Variants in SLC43A2 observed in about 807,000 individuals in gnomAD.
SLC43A2 encodes solute carrier family 43 member 2.
SLC43A2 carries 38 observed loss-of-function variants against 63.2 expected under a neutral mutation model. The ratio of observed to expected loss-of-function variants is 0.60; its 90% CI spans 0.46 to 0.79. The LOEUF (loss-of-function observed/expected upper bound fraction) is 0.79, where lower values mean the gene tolerates loss of function less well. SLC43A2 is among the 30% of genes least tolerant of loss of function. The pLI is 0.00. For missense variants in SLC43A2, 644 were observed against 756.2 expected (o/e 0.85, Z 1.74); for synonymous variants, 322 against 331.0 (o/e 0.97, Z 0.30).
At chr17:1,617,259 C>G (rs1907765848) in intron 2 of SLC43A2, among the ~76,000 whole-genome samples, 1 of 152,230 alleles carries the variant, frequency 6.6e-6, no homozygotes, top group Non-Finnish European at 1.5e-5. Flanking sequence ...TTGGGAAGCA[C>G]AAGCACTGGT....
intron 2 of SLC43A2, among the ~76,000 whole-genome samples, chr17:1,624,626 C>T: frequency 6.6e-6 from 1 of 151,110 alleles, no homozygotes; most frequent in East Asian, 2.0e-4. Context: ...TTTGATGGCT[C>T]ATGCTTGCAG....
Position 1,569,394 on chromosome 17 carries a change from G to C in SLC43A2, c.*6210C>G, listed in dbSNP as rs138979975. 6.6e-6 allele frequency: 1 copy of C among 152,242 alleles called. No homozygotes were observed. 9.4% of individuals were successfully genotyped at this position (152,242 alleles called of 1,614,324 possible). On this transcript the variant is annotated 3_prime_UTR_variant, in exon 14 of 14. Transcript: ENST00000301335. ...GTTGACCCTGGTTAATACAGGGTAC[G>C]GATTAACCCTTCAGGCTCCCTTCCG... is the stretch of plus-strand genomic sequence containing the variant.
intron 5 of SLC43A2, among the ~76,000 whole-genome samples, chr17:1,594,757 T>C (rs1298743260): frequency 1.3e-5 from 2 of 151,596 alleles, no homozygotes; most frequent in Non-Finnish European, 2.9e-5. Flanking sequence ...CCGGCTAATT[T>C]TTTTGTATTT....
chr17:1,624,801 G>A (rs1272950380), intron 2 of SLC43A2, among the ~76,000 whole-genome samples: 1 of 152,100 alleles, frequency 6.6e-6, no homozygotes, highest in Admixed American at 6.6e-5. Flanking sequence ...GGAGGCTGAG[G>A]CGGGAGGATT....
At chr17:1,600,953 TAG>T (rs1472821011) in intron 5 of SLC43A2, among the ~76,000 whole-genome samples, 1 of 151,774 alleles carries the variant, frequency 6.6e-6, no homozygotes, top group Non-Finnish European at 1.5e-5. Context: ...AGATTTTACC[TAG>T]AGATACCGAA....
chr17:1,620,131 G>A (rs1433591704), intron 2 of SLC43A2, among the ~76,000 whole-genome samples: 2 of 152,268 alleles, frequency 1.3e-5, no homozygotes, highest in East Asian at 1.9e-4. Context: ...TTGGGAGGCC[G>A]AGGCAGGCGG....
At chr17:1,591,739 G>GGTGGGGGC in intron 6 of SLC43A2, 40 bp from the exon 7 acceptor site, 3 of 512,306 alleles carry the variant, frequency 5.9e-6, no homozygotes, top group Non-Finnish European at 1.2e-5. Context: ...GGGGGAGGGG[G>GGTGGGGGC]CAGAGTTAGC....
rs749426129 is a variant in SLC43A2 at position 1,590,872 on chromosome 17, C to T, written c.1008G>A (p.Leu336=). The T allele has an allele frequency of 1.1e-5, 17 of 1,554,158 alleles. 1 individual carries two copies. The South Asian group carries it at 1.9e-4, about 17-fold the overall frequency. Residue 336 remains leucine, a synonymous_variant, in exon 9 of 14, where the codon CTG becomes CTA. Transcript: ENST00000301335. ...TAGCCCCCATGTAGAAGATGAGCCGCAGCTGCGTGACGCACATGGTGACCA... is the reference window on the plus strand; with the variant it reads ...TAGCCCCCATGTAGAAGATGAGCCGTAGCTGCGTGACGCACATGGTGACCA... ...LSLVTMCVTQ[L]RLIFYMGAMN... is the part of the protein sequence containing the mutation.
chr17:1,579,971 A>C (rs1405471699), intron 11 of SLC43A2, among the ~76,000 whole-genome samples: 4 of 150,938 alleles, frequency 2.7e-5, no homozygotes, highest in Admixed American at 6.6e-5. Flanking sequence ...CTTGCTGTGT[A>C]GCCCAGGCTG....
intron 4 of SLC43A2, among the ~76,000 whole-genome samples, chr17:1,613,885 G>T (rs898619733): frequency 6.6e-6 from 1 of 152,060 alleles, no homozygotes; most frequent in African/African-American, 2.4e-5. Flanking sequence ...AATTGCTTGA[G>T]CCCAGGGGTT....
At position 1,586,809 on chromosome 17, in the gene SLC43A2, G is replaced by C. The variant is rs1598443263; in HGVS notation, c.1079-758C>G. ...TCCAGGGAAGCAGACGAGGAATGTTGATTGCCCCAGTTTTACCCCCACGGC... is the reference window on the plus strand; with the variant it reads ...TCCAGGGAAGCAGACGAGGAATGTTCATTGCCCCAGTTTTACCCCCACGGC... On this transcript the variant is annotated intron_variant, in intron 9 of 13. Coordinates refer to ENST00000301335, the MANE Select transcript of SLC43A2 (RefSeq NM_152346.3). 5.0e-6 allele frequency: 4 copies of C among 803,940 alleles called. No individual in the cohort carries two copies. The South Asian group carries it at 9.3e-5, about 19-fold the overall frequency. The allele number at this position is 803,940 out of a possible 1,614,324, so 49.8% of individuals were successfully genotyped here. A position where few individuals can be genotyped will look rare whatever the true frequency, so the allele number is the denominator to read the frequency against.
chr17:1,613,453 C>T (rs1907313193), intron 4 of SLC43A2, among the ~76,000 whole-genome samples, 182 bp from the exon 5 acceptor site: 1 of 152,106 alleles, frequency 6.6e-6, no homozygotes, highest in South Asian at 2.1e-4. Context: ...AGGCCTATTT[C>T]TTTTTCTTTT....
chr17:1,621,521 A>T (rs75670368), intron 2 of SLC43A2, among the ~76,000 whole-genome samples: 1,769 of 152,314 alleles, frequency 0.012, 34 homozygotes, highest in African/African-American at 0.04. Flanking sequence ...GTCGGCTCAG[A>T]CACAGAGCAA....
chr17:1,598,452 C>T lies in SLC43A2; in HGVS notation c.502-5173G>A, dbSNP rs549016515. Reference sequence around the variant, plus strand: ...AAAAAAAAGGGAGGCCCAGAGAAGGCTTGGAACCCAACCAGAAGGGCAAAT... The same window carrying T: ...AAAAAAAAGGGAGGCCCAGAGAAGGTTTGGAACCCAACCAGAAGGGCAAAT... On this transcript the variant is annotated intron_variant, in intron 5 of 13. Coordinates refer to ENST00000301335, the MANE Select transcript of SLC43A2 (RefSeq NM_152346.3). 7.0e-4 allele frequency among the ~76,000 whole-genome samples: 106 copies of T among 150,910 alleles called. 1 individual carries two copies. Among genetic ancestry groups the T allele is most frequent in the African/African-American group, 2.5e-3 (103 of 41,116 alleles).
chr17:1,575,325 C>T lies in SLC43A2; in HGVS notation c.*279G>A, dbSNP rs896516365. ...GCCTGCCTGCCGGGCGTTCCTGGCT[C>T]CTGCTGCAGGCACCACAGAGACCCC... On this transcript the variant is annotated 3_prime_UTR_variant, in exon 14 of 14. Transcript: ENST00000301335. 5.8e-6 allele frequency: 3 copies of T among 520,400 alleles called. No homozygotes were observed. The highest frequency in any genetic ancestry group is 1.0e-5 in the Non-Finnish European group (3 of 291,842). 32.2% of individuals were successfully genotyped at this position (520,400 alleles called of 1,614,324 possible).
intron 4 of SLC43A2, among the ~76,000 whole-genome samples, chr17:1,613,801 A>G (rs1226238781): frequency 6.6e-6 from 1 of 152,062 alleles, no homozygotes; most frequent in East Asian, 1.9e-4. Flanking sequence ...TCTTTTCTCC[A>G]ATTAATATTA....
At chr17:1,599,161 A>C (rs1459743228) in intron 5 of SLC43A2, among the ~76,000 whole-genome samples, 1 of 152,038 alleles carries the variant, frequency 6.6e-6, no homozygotes, top group African/African-American at 2.4e-5. Flanking sequence ...CAACATGGTG[A>C]AACCCCATCT....
At position 1,605,028 on chromosome 17, in the gene SLC43A2, C is replaced by A; in HGVS notation, c.501+8167G>T. The A allele has an allele frequency of 2.8e-6, 4 of 1,421,048 alleles. No individual in the cohort carries two copies. Among genetic ancestry groups the A allele is most frequent in the Non-Finnish European group, 3.7e-6 (4 of 1,089,700 alleles). 88.0% of individuals were successfully genotyped at this position (1,421,048 alleles called of 1,614,324 possible). On this transcript the variant is annotated intron_variant, in intron 5 of 13. Coordinates refer to ENST00000301335, the MANE Select transcript of SLC43A2 (RefSeq NM_152346.3). The surrounding 1 kb of genome is among the most constrained non-coding windows in gnomAD (Gnocchi z 4.9). Reference sequence around the variant, plus strand: ...AGGACCCCAGGAGGGGAAGGACCAGCTTTGCTGCCAAGCAGGAAGCCGGAG... The same window carrying A: ...AGGACCCCAGGAGGGGAAGGACCAGATTTGCTGCCAAGCAGGAAGCCGGAG...
At chr17:1,579,936 CTTT>C (rs749797885) in intron 11 of SLC43A2, among the ~76,000 whole-genome samples, 1 of 144,900 alleles carries the variant, frequency 6.9e-6, no homozygotes. Flanking sequence ...TCAGGCTTTC[CTTT>C]TTTTTTTTTT....
Sources: allele counts gnomAD v4.1 joint callset (sites outside exome capture counted in the v4.1 genomes callset), GRCh38; gene constraint gnomAD v4.1.1; non-coding constraint Gnocchi (gnomAD v3.1); transcripts MANE v1.5; gene names NCBI Gene and HGNC (gene_info 2026-07-23, HGNC 2026-07-21).